Variants in SORL1 observed in about 807,000 individuals in gnomAD.
SORL1 encodes sortilin-related receptor.
Under a neutral mutation model 273.7 loss-of-function variants are expected in SORL1, and 127 were observed. The ratio of observed to expected loss-of-function variants is 0.46; its 90% CI spans 0.40 to 0.54. SORL1 has a LOEUF of 0.54. SORL1 is among the 20% of genes least tolerant of loss of function. SORL1 has a pLI of 0.00. For synonymous variants in SORL1, 1,031 were observed against 1,067.4 expected, an observed-to-expected ratio of 0.97 and a Z score of 0.66; for missense variants, 2,494 against 2,846.1, an observed-to-expected ratio of 0.88 and a Z score of 2.81.
At chr11:121,472,783 A>G (rs532248213) in intron 2 of SORL1, among the ~76,000 whole-genome samples, 1 of 152,172 alleles carries the variant, frequency 6.6e-6, no homozygotes, top group African/African-American at 2.4e-5. Flanking sequence ...CAACATGGAG[A>G]AACCCCATTT....
chr11:121,452,485 C>T lies in SORL1; in HGVS notation c.154C>T (p.Gln52Ter). Reference protein sequence around the residue: ...LPQDRGFLVVQGDPRELRLWA... With the variant: ...LPQDRGFLVV The stretch of plus-strand genomic sequence containing the variant: ...CCAGGACCGGGGCTTCCTCGTGGTG[C>T]AGGGCGACCCGCGCGAGCTGCGGCT... The change falls in exon 1 of 48, where the codon CAG becomes TAG. Residue 52 changes from glutamine to a stop codon, truncating the protein, a stop_gained. Transcript: ENST00000260197. LOFTEE classifies it high-confidence loss of function. The surrounding 1 kb of genome is among the most constrained non-coding windows in gnomAD (Gnocchi z 5.3). 1 of 1,490,784 alleles carries T rather than the reference C, an allele frequency of 6.7e-7. No individual in the cohort carries two copies. The highest frequency in any genetic ancestry group is 8.9e-7 in the Non-Finnish European group (1 of 1,122,472). The allele number at this position is 1,490,784 out of a possible 1,614,324, so 92.3% of individuals were successfully genotyped here.
At chr11:121,458,332 T>C (rs3862605) in intron 1 of SORL1, among the ~76,000 whole-genome samples, 37,815 of 152,108 alleles carry the variant, frequency 0.25, 5,167 homozygotes, top group Middle Eastern at 0.42. Context: ...ATGCAGATAA[T>C]TGAGAGTTGA....
rs1317602183 is a variant in SORL1 at position 121,589,356 on chromosome 11, T to A, written c.4044T>A (p.Asp1348Glu). 6.2e-7 allele frequency: 1 copy of A among 1,613,662 alleles called. No individual in the cohort carries two copies. The highest frequency in any genetic ancestry group is 8.5e-7 in the Non-Finnish European group (1 of 1,179,644). The change falls in exon 29 of 48, where the codon GAT becomes GAA. Residue 1348 changes from aspartate to glutamate, a missense_variant. Asp to Glu is a conservative substitution (Grantham distance 45). Coordinates refer to ENST00000260197, the MANE Select transcript of SORL1 (RefSeq NM_003105.6). ...TGATTTGGAAGTGCGACGGGATGGA[T>A]GATTGCGGCGATTATTCTGATGAAG... ...ISLIWKCDGM[D>E]DCGDYSDEAN...
At chr11:121,589,150 T>C in intron 28 of SORL1, 109 bp from the exon 29 acceptor site, 3 of 1,238,694 alleles carry the variant, frequency 2.4e-6, no homozygotes, top group Non-Finnish European at 3.5e-6. Context: ...AGCCAGACAG[T>C]CCTTTGCCAG....
chr11:121,605,900 GGC>G (rs1863464861), intron 35 of SORL1, among the ~76,000 whole-genome samples: 1 of 152,066 alleles, frequency 6.6e-6, no homozygotes, highest in South Asian at 2.1e-4. Flanking sequence ...TAAAATATGA[GGC>G]ATATCAGCAA....
At position 121,554,232 on chromosome 11, in the gene SORL1, G is replaced by A; in HGVS notation, c.2439+123G>A. 1.3e-6 allele frequency: 1 copy of A among 794,494 alleles called. No homozygotes were observed. The highest frequency in any genetic ancestry group is 2.0e-6 in the Non-Finnish European group (1 of 503,720). The allele number at this position is 794,494 out of a possible 1,614,324, so 49.2% of individuals were successfully genotyped here. A position where few individuals can be genotyped will look rare whatever the true frequency, so the allele number is the denominator to read the frequency against. On this transcript the variant is annotated intron_variant, in intron 17 of 47. Transcript: ENST00000260197. This position sits in a 1 kb window ranked among gnomAD's most constrained non-coding sequence, Gnocchi z 4.6. ...AAGTTTGTAAGTGTTACTCATCTCA[G>A]GGCTGACAGGTGAAAGTTTCCAGTC...
At position 121,577,470 on chromosome 11, in the gene SORL1, C is replaced by A. The variant is rs535176137; in HGVS notation, c.3580+70C>A. ...CAGTGGTTAACATTATAGCTTTAAA[C>A]GATCGGAAAATCTAGGCTCTGAGAA... On this transcript the variant is annotated intron_variant, in intron 25 of 47. Transcript: ENST00000260197. The A allele has an allele frequency of 2.1e-6, 3 of 1,418,542 alleles. No individual in the cohort carries two copies. The African/African-American group carries it at 4.3e-5, about 21-fold the overall frequency. 87.9% of individuals were successfully genotyped at this position (1,418,542 alleles called of 1,614,324 possible). A position where few individuals can be genotyped will look rare whatever the true frequency, so the allele number is the denominator to read the frequency against.
At chr11:121,473,849 C>T (rs928415863) in intron 2 of SORL1, among the ~76,000 whole-genome samples, 3 of 151,848 alleles carry the variant, frequency 2.0e-5, no homozygotes, top group Non-Finnish European at 2.9e-5. Context: ...GAGTTGTGAT[C>T]GTGCCACTGC....
At position 121,583,486 on chromosome 11, in the gene SORL1, C is replaced by T. The variant is rs749525632; in HGVS notation, c.3609C>T (p.Asn1203=). Residue 1203 remains asparagine, a synonymous_variant, in exon 26 of 48, where the codon AAC becomes AAT. Transcript: ENST00000260197. ...TAIYHTCEAS[N]FQCRNGHCIP... is the part of the protein sequence containing the mutation. Reference sequence around the variant, plus strand: ...TCTATCACACCTGTGAGGCCTCCAACTTCCAGTGCCGAAACGGGCACTGCA... The same window carrying T: ...TCTATCACACCTGTGAGGCCTCCAATTTCCAGTGCCGAAACGGGCACTGCA... 6 of 1,613,050 alleles carry T rather than the reference C, an allele frequency of 3.7e-6. No homozygotes were observed. In the African/African-American group the frequency reaches 8.0e-5, roughly 22 times the overall value.
In SORL1 at chr11:121,612,850, G is replaced by C; in HGVS notation, c.5419+18G>C. The C allele has an allele frequency of 6.4e-7, 1 of 1,563,558 alleles. No individual in the cohort carries two copies. The highest frequency in any genetic ancestry group is 8.8e-7 in the Non-Finnish European group (1 of 1,134,392). On this transcript the variant is annotated intron_variant, in intron 40 of 47. Transcript: ENST00000260197. Reference sequence around the variant, plus strand: ...ACACAAAGGTAACACTTTGGTGCTGGTCAGTGTGTGTGCAGGAAGGGGTAA... The same window carrying C: ...ACACAAAGGTAACACTTTGGTGCTGCTCAGTGTGTGTGCAGGAAGGGGTAA...
intron 11 of SORL1, among the ~76,000 whole-genome samples, chr11:121,528,256 A>G (rs634544): frequency 0.99 from 150,000 of 152,236 alleles, 73,951 homozygotes; most frequent in Middle Eastern, 1. Flanking sequence ...ATCACTTGAG[A>G]CCAGGAGTTC....
chr11:121,462,132 A>G (rs1349293522), intron 1 of SORL1, among the ~76,000 whole-genome samples: 3 of 152,198 alleles, frequency 2.0e-5, no homozygotes, highest in Non-Finnish European at 2.9e-5. Flanking sequence ...TTATGCAGGC[A>G]TATTTGTCTA....
intron 41 of SORL1, among the ~76,000 whole-genome samples, chr11:121,618,132 T>C (rs1863665924): frequency 6.6e-6 from 1 of 152,192 alleles, no homozygotes; most frequent in Non-Finnish European, 1.5e-5. Flanking sequence ...CCTGCGACAC[T>C]TCTGCATCTC....
At chr11:121,545,154 G>A in intron 13 of SORL1, 89 bp from the exon 14 acceptor site, 6 of 1,206,768 alleles carry the variant, frequency 5.0e-6, no homozygotes, top group Non-Finnish European at 7.2e-6. Flanking sequence ...GACAGGAAGT[G>A]GGGGTTGAGG....
chr11:121,557,325 A>G lies in SORL1; in HGVS notation c.2583A>G (p.Pro861=). The change falls in exon 19 of 48, where the codon CCA becomes CCG. Residue 861 remains proline (P), a synonymous_variant. Transcript: ENST00000260197. ...CCTGTTTTTGTCAGGTAGCTAATCC[A>G]GATGGCGACTTCCGACTCACAATCG... ...AGFKKIEVAN[P]DGDFRLTIVN... is the part of the protein sequence containing the mutation. 1 of 1,613,948 alleles carries G rather than the reference A, an allele frequency of 6.2e-7. No homozygotes were observed. The highest frequency in any genetic ancestry group is 8.5e-7 in the Non-Finnish European group (1 of 1,179,782).
In SORL1 at chr11:121,622,283, C is replaced by T. The variant is rs1863734267; in HGVS notation, c.6171+15C>T. On this transcript the variant is annotated intron_variant, in intron 45 of 47. Transcript: ENST00000260197. The stretch of plus-strand genomic sequence containing the variant: ...ATGAAAGCAGGGTAAGTTCCTCCCT[C>T]ATTCTCAATGACTTTGGAAATTTAA... 6.8e-7 allele frequency: 1 copy of T among 1,464,698 alleles called. No homozygotes were observed. Among genetic ancestry groups the T allele is most frequent in the Non-Finnish European group, 9.5e-7 (1 of 1,047,132 alleles). The allele number at this position is 1,464,698 out of a possible 1,614,324, so 90.7% of individuals were successfully genotyped here.
intron 11 of SORL1, among the ~76,000 whole-genome samples, chr11:121,529,141 G>C (rs867077822): frequency 6.6e-6 from 1 of 151,958 alleles, no homozygotes. Context: ...TTTATCTATT[G>C]TAATGCCATG....
chr11:121,577,420 A>G lies in SORL1; in HGVS notation c.3580+20A>G, dbSNP rs1862950118. Reference sequence around the variant, plus strand: ...GTACCGGTCAGTACTTCCTGGACTCAGTTGACAGCACTCATCCGTTCATGC... The same window carrying G: ...GTACCGGTCAGTACTTCCTGGACTCGGTTGACAGCACTCATCCGTTCATGC... On this transcript the variant is annotated intron_variant, in intron 25 of 47. Coordinates refer to ENST00000260197, the MANE Select transcript of SORL1 (RefSeq NM_003105.6). 1 of 1,568,614 alleles carries G rather than the reference A, an allele frequency of 6.4e-7. No homozygotes were observed. The highest frequency in any genetic ancestry group is 8.6e-7 in the Non-Finnish European group (1 of 1,157,662).
chr11:121,484,033 A>AT (rs1861436203), intron 3 of SORL1, among the ~76,000 whole-genome samples: 1 of 152,016 alleles, frequency 6.6e-6, no homozygotes, highest in Non-Finnish European at 1.5e-5. Context: ...CAGCGAGGAG[A>AT]TTCACTTTTT....
Sources: gnomAD v4.1 joint callset for allele counts (sites outside exome capture counted in the v4.1 genomes callset) on GRCh38, gnomAD v4.1.1 for gene constraint, Gnocchi (gnomAD v3.1) non-coding constraint, MANE v1.5 for transcripts, NCBI Gene and HGNC (gene_info 2026-07-23, HGNC 2026-07-21) for gene names.